NPAS3: variants seen among roughly 807,000 people sequenced by gnomAD.
The protein encoded by NPAS3 is neuronal PAS domain protein 3.
A neutral mutation model predicts 73.1 loss-of-function variants in NPAS3; 14 were observed. That is an observed-to-expected ratio of 0.19 (90% CI 0.13 to 0.30). The LOEUF is 0.30. NPAS3 is among the 10% of genes least tolerant of loss of function. The pLI is 1.00. For missense variants in NPAS3, 1,096 were observed against 1,250.0 expected (o/e 0.88, Z 1.86); for synonymous variants, 620 against 541.5 (o/e 1.14, Z -2.01).
rs190251618 is a variant in NPAS3, at chr14:33,348,380, A to T, written c.386-18806A>T. On this transcript the variant is annotated intron_variant, in intron 3 of 11. Transcript: ENST00000356141. ...GTAATTTGTCAGTTGAAAATCGCACATGGATAAATGTCTTTAAACCCTATG... is the reference window on the plus strand; with the variant it reads ...GTAATTTGTCAGTTGAAAATCGCACTTGGATAAATGTCTTTAAACCCTATG... Among the ~76,000 whole-genome samples the T allele has an allele frequency of 3.8e-3, 576 of 152,234 alleles. 9 individuals carry two copies. Among genetic ancestry groups the T allele is most frequent in the South Asian group, 0.027 (129 of 4,798 alleles).
chr14:33,668,313 A>C (rs1198424272), intron 5 of NPAS3, among the ~76,000 whole-genome samples: 1 of 152,196 alleles, frequency 6.6e-6, no homozygotes, highest in African/African-American at 2.4e-5. Context: ...GGAACGACTA[A>C]TTGTATGATT....
intron 5 of NPAS3, among the ~76,000 whole-genome samples, chr14:33,604,023 CAA>C (rs1413753266): frequency 1.3e-5 from 2 of 149,666 alleles, no homozygotes; most frequent in Non-Finnish European, 3.0e-5. Context: ...AAAAAAAAAA[CAA>C]AGAGTTATAG....
intron 7 of NPAS3, among the ~76,000 whole-genome samples, chr14:33,746,171 T>TTTATTTATTTATTTA (rs747188281): frequency 2.1e-5 from 3 of 144,458 alleles, no homozygotes; most frequent in African/African-American, 7.6e-5. Flanking sequence ...TTTTATTTTA[T>TTTATTTATTTATTTA]TTTATTTATT....
intron 4 of NPAS3, among the ~76,000 whole-genome samples, chr14:33,466,290 T>C (rs1355218671): frequency 6.6e-6 from 1 of 152,160 alleles, no homozygotes; most frequent in Non-Finnish European, 1.5e-5. Context: ...GTCTTTCCTA[T>C]CCTAGCAAGA....
At chr14:33,177,693 G>A (rs879477948) in intron 2 of NPAS3, among the ~76,000 whole-genome samples, 1 of 152,110 alleles carries the variant, frequency 6.6e-6, no homozygotes, top group Non-Finnish European at 1.5e-5. Context: ...CTATGACGTA[G>A]AGGTCCAACT....
chr14:33,051,296 A>AAAAAAAAAAAAAAAAAAAAAAAAG (rs771840433), intron 1 of NPAS3, among the ~76,000 whole-genome samples: 1 of 142,526 alleles, frequency 7.0e-6, no homozygotes, highest in African/African-American at 2.8e-5. Flanking sequence ...AAAAAAAAAA[A>AAAAAAAAAAAAAAAAAAAAAAAAG]AGAGAGACTA....
intron 2 of NPAS3, among the ~76,000 whole-genome samples, chr14:33,090,509 A>T (rs1332951774): frequency 1.3e-5 from 2 of 152,308 alleles, no homozygotes; most frequent in East Asian, 1.9e-4. Flanking sequence ...AAGTCCTTAG[A>T]GACCTACAAA....
chr14:33,197,718 C>G lies in NPAS3; in HGVS notation c.141-17464C>G, dbSNP rs1180509396. On this transcript the variant is annotated intron_variant, in intron 2 of 11. Transcript: ENST00000356141. ...TAGATAGTTGCCTTATTCAGTCATT[C>G]CAAATCTTGGAGAGATTTAACATTT... is the stretch of plus-strand genomic sequence containing the variant. 2.0e-5 allele frequency among the ~76,000 whole-genome samples: 3 copies of G among 152,178 alleles called. No homozygotes were observed. The East Asian group carries it at 5.8e-4, about 29-fold the overall frequency.
chr14:33,800,552 C>A lies in NPAS3; in HGVS notation c.2245C>A (p.Pro749Thr), dbSNP rs1566559481. The change falls in exon 12 of 12, where the codon CCC becomes ACC. Residue 749 changes from proline (P) to threonine (T), a missense_variant. Pro to Thr is a conservative substitution (Grantham distance 38, BLOSUM62 -1). This residue lies in a region of NPAS3 where 698 missense variants were observed against 676.7 expected (regional missense o/e 1.03). Coordinates refer to ENST00000356141, the Ensembl canonical transcript of NPAS3. This position sits in a 1 kb window ranked among gnomAD's most constrained non-coding sequence, Gnocchi z 6.5. ...CCCCGTCGCCTCCGACCCGCTGTCA[C>A]CCCCGCTCTCGGCGTCCCCGCGGGA... The A allele has an allele frequency of 7.5e-7, 1 of 1,334,238 alleles. No individual in the cohort carries two copies. The highest frequency in any genetic ancestry group is 9.5e-7 in the Non-Finnish European group (1 of 1,050,678). 82.6% of individuals were successfully genotyped at this position (1,334,238 alleles called of 1,614,324 possible). A position where few individuals can be genotyped will look rare whatever the true frequency, so the allele number is the denominator to read the frequency against.
chr14:33,051,091 G>A (rs997258690), intron 1 of NPAS3, among the ~76,000 whole-genome samples: 2 of 151,492 alleles, frequency 1.3e-5, no homozygotes, highest in East Asian at 3.9e-4. Context: ...TGGCTAACAA[G>A]GTGAAACCCC....
chr14:33,408,228 C>T (rs765991624), intron 4 of NPAS3, among the ~76,000 whole-genome samples: 1 of 152,102 alleles, frequency 6.6e-6, no homozygotes, highest in Non-Finnish European at 1.5e-5. Context: ...GGAGTTCACT[C>T]TCCAGGTCTT....
chr14:33,101,449 GT>G (rs1248719131), intron 2 of NPAS3, among the ~76,000 whole-genome samples: 6 of 152,118 alleles, frequency 3.9e-5, no homozygotes, highest in African/African-American at 1.2e-4. Context: ...CTAGAAAAGG[GT>G]GGCACAGGTT....
chr14:33,219,350 G>A (rs947058735), intron 3 of NPAS3, among the ~76,000 whole-genome samples: 3 of 152,158 alleles, frequency 2.0e-5, no homozygotes, highest in African/African-American at 7.2e-5. Flanking sequence ...GTCGTCTGCT[G>A]CAACTCTATT....
intron 4 of NPAS3, among the ~76,000 whole-genome samples, chr14:33,525,000 G>T (rs1200914304): frequency 6.6e-6 from 1 of 152,094 alleles, no homozygotes; most frequent in Non-Finnish European, 1.5e-5. Flanking sequence ...GTTAATGGGG[G>T]TTAGTACTTT....
chr14:33,329,825 T>TGTGA, intron 3 of NPAS3, among the ~76,000 whole-genome samples: 1 of 151,038 alleles, frequency 6.6e-6, no homozygotes, highest in South Asian at 2.1e-4. Context: ...TGTGTGTGTG[T>TGTGA]GAGAGAGAGA....
chr14:33,393,724 G>T (rs1225158342), intron 4 of NPAS3, among the ~76,000 whole-genome samples: 5 of 152,150 alleles, frequency 3.3e-5, no homozygotes, highest in Non-Finnish European at 7.3e-5. Flanking sequence ...TGTTGGCTCA[G>T]TTCATGATAT....
intron 2 of NPAS3, among the ~76,000 whole-genome samples, chr14:33,204,987 T>A (rs1408276468): frequency 6.6e-6 from 1 of 152,150 alleles, no homozygotes; most frequent in Non-Finnish European, 1.5e-5. Flanking sequence ...TTGGATCCAA[T>A]AAATTATATT....
intron 4 of NPAS3, among the ~76,000 whole-genome samples, chr14:33,393,709 G>A (rs1343448186): frequency 6.6e-6 from 1 of 152,088 alleles, no homozygotes; most frequent in Non-Finnish European, 1.5e-5. Flanking sequence ...CAGGGACCCC[G>A]CGGCTGTTGG....
At chr14:33,367,805 A>C (rs1311025410) in intron 4 of NPAS3, among the ~76,000 whole-genome samples, 2 of 152,166 alleles carry the variant, frequency 1.3e-5, no homozygotes, top group Non-Finnish European at 2.9e-5. Context: ...GGAGACAAAT[A>C]ATAATTGATT....
Sources: gnomAD v4.1 joint callset for allele counts (sites outside exome capture counted in the v4.1 genomes callset) on GRCh38, gnomAD v4.1.1 for gene constraint, gnomAD v4.1.1 regional missense constraint, Gnocchi (gnomAD v3.1) non-coding constraint, MANE v1.5 for transcripts, NCBI Gene and HGNC (gene_info 2026-07-23, HGNC 2026-07-21) for gene names.